The following MACF1 variants were observed in gnomAD, a reference collection of about 807,000 sequenced individuals.
The protein encoded by MACF1 is microtubule-actin cross-linking factor 1.
MACF1 carries 193 observed loss-of-function variants against 854.8 expected under a neutral mutation model. That is an observed-to-expected ratio of 0.23 (90% CI 0.20 to 0.25). The LOEUF is 0.25. Ranked by LOEUF, MACF1 falls within the 10% of genes least tolerant of loss-of-function variation. The probability of loss-of-function intolerance (pLI) is 1.00; values close to 1 mark genes in which losing one functional copy is unlikely to be tolerated. For missense variants in MACF1, 7,722 were observed against 8,929.1 expected, an observed-to-expected ratio of 0.86 and a Z score of 5.45; for synonymous variants, 3,185 against 3,226.7, an observed-to-expected ratio of 0.99 and a Z score of 0.44.
Position 39,322,939 on chromosome 1 carries a change from A to G in MACF1, c.4167A>G (p.Ala1389=). The change falls in exon 33 of 101, where the codon GCA becomes GCG. Residue 1389 remains alanine, a synonymous_variant. Transcript: ENST00000564288. The part of the protein sequence containing the change: ...EFMDLRTRYT[A]LVTLTTQHVK... ...TGGACTTAAGGACTCGCTACACGGC[A>G]TTGGTGACTTTAACAACTCAGCACG... 6.2e-7 allele frequency: 1 copy of G among 1,614,124 alleles called. No individual in the cohort carries two copies. Among genetic ancestry groups the G allele is most frequent in the Non-Finnish European group, 8.5e-7 (1 of 1,179,968 alleles).
rs990158851 is a variant in MACF1, at chr1:39,287,408, A to G, written c.1631A>G (p.Lys544Arg). Residue 544 changes from lysine (K) to arginine (R), a missense_variant, in exon 15 of 101, where the codon AAA becomes AGA. Around this residue, in one of 15 missense-constraint regions of MACF1, gnomAD observed 1,137 missense variants for 1,263.0 expected, o/e 0.90. Coordinates refer to ENST00000564288, the MANE Select transcript of MACF1 (RefSeq NM_001394062.1). ...TCTACTTTAACCACCACTCATCTGA[A>G]AGCAGAACCCTTAACCAAGGCAACC... ...PPSTLTTTHL[K>R]AEPLTKATHS... is the part of the protein sequence containing the mutation. 7 of 1,614,008 alleles carry G rather than the reference A, an allele frequency of 4.3e-6. No individual in the cohort carries two copies. The highest frequency in any genetic ancestry group is 1.7e-5 in the Admixed American group (1 of 60,004).
At chr1:39,101,750 G>A (rs1399522003) in intron 2 of MACF1, among the ~76,000 whole-genome samples, 2 of 149,860 alleles carry the variant, frequency 1.3e-5, no homozygotes, top group Non-Finnish European at 3.0e-5. Context: ...CGTGAACCCG[G>A]GAGGTGGAGG....
rs560034084 is a variant in MACF1 at position 39,314,497 on chromosome 1, C to T, written c.3271-1016C>T. On this transcript the variant is annotated intron_variant, in intron 26 of 100. Coordinates refer to ENST00000564288, the MANE Select transcript of MACF1 (RefSeq NM_001394062.1). ...TTACATATACACACATATACATGTA[C>T]GTAAGTTTACAGATATAGATCAATA... Among the ~76,000 whole-genome samples, 9 of 150,276 alleles carry T rather than the reference C, an allele frequency of 6.0e-5. No individual in the cohort carries two copies. In the East Asian group the frequency reaches 1.2e-3, roughly 20 times the overall value.
intron 16 of MACF1, among the ~76,000 whole-genome samples, chr1:39,292,367 T>A (rs953809527): frequency 7.2e-5 from 11 of 152,226 alleles, no homozygotes; most frequent in African/African-American, 2.2e-4. Flanking sequence ...TACTTCCCCA[T>A]CTGCCTGCAG....
intron 6 of MACF1, among the ~76,000 whole-genome samples, chr1:39,267,568 A>G (rs1184639909): frequency 6.6e-6 from 1 of 152,264 alleles, no homozygotes; most frequent in Non-Finnish European, 1.5e-5. Context: ...AATATAAAAT[A>G]ATAGTTTTGA....
At chr1:39,179,853 A>G (rs2148232098) in intron 2 of MACF1, among the ~76,000 whole-genome samples, 1 of 152,096 alleles carries the variant, frequency 6.6e-6, no homozygotes, top group African/African-American at 2.4e-5. Flanking sequence ...CGTCTCTACT[A>G]AAAATACAAA....
chr1:39,097,866 C>T (rs1016884462), intron 2 of MACF1, among the ~76,000 whole-genome samples: 4 of 152,198 alleles, frequency 2.6e-5, no homozygotes, highest in Non-Finnish European at 4.4e-5. Flanking sequence ...GGGCCTCTCC[C>T]GGCCTCAGTG....
chr1:39,140,327 T>G lies in MACF1; in HGVS notation c.220+55889T>G, dbSNP rs527586298. On this transcript the variant is annotated intron_variant, in intron 2 of 93. Coordinates refer to the MACF1 transcript ENST00000361689. ...AGTGCTATCTTACGATTCTTATCAC[T>G]TGCTACTATGGGTTAGAATTACTTG... Among the ~76,000 whole-genome samples, 27 of 152,328 alleles carry G rather than the reference T, an allele frequency of 1.8e-4. No homozygotes were observed. The East Asian group carries it at 4.6e-3, about 26-fold the overall frequency.
intron 23 of MACF1, among the ~76,000 whole-genome samples, chr1:39,306,050 C>G (rs1206757743): frequency 2.0e-5 from 3 of 152,104 alleles, no homozygotes; most frequent in African/African-American, 7.2e-5. Flanking sequence ...GCACTTAGAA[C>G]CATTCCTAGC....
At chr1:39,151,907 A>G (rs879662979) in intron 2 of MACF1, among the ~76,000 whole-genome samples, 1 of 152,150 alleles carries the variant, frequency 6.6e-6, no homozygotes, top group Non-Finnish European at 1.5e-5. Context: ...TAAGAAGGGT[A>G]TGTGTTCAGT....
intron 33 of MACF1, among the ~76,000 whole-genome samples, chr1:39,323,909 A>AT (rs1488788896): frequency 1.3e-5 from 2 of 152,154 alleles, no homozygotes; most frequent in Admixed American, 6.5e-5. Context: ...ATGTGAAGAG[A>AT]TTTTTTTAAA....
intron 58 of MACF1, chr1:39,412,916 T>C (rs955996999): frequency 6.2e-7 from 1 of 1,607,348 alleles, no homozygotes. Flanking sequence ...GAGGACATCC[T>C]AGTTGCTTCA....
intron 2 of MACF1, among the ~76,000 whole-genome samples, chr1:39,100,746 C>T (rs1042616404): frequency 6.7e-6 from 1 of 150,222 alleles, no homozygotes; most frequent in Non-Finnish European, 1.5e-5. Flanking sequence ...CCCAGCTACT[C>T]GAGAGGCTGA....
At position 39,310,918 on chromosome 1, in the gene MACF1, T is replaced by C; in HGVS notation, c.3188T>C (p.Val1063Ala). Residue 1063 changes from valine (V) to alanine (A), a missense_variant, in exon 26 of 101, where the codon GTC becomes GCC. Around this residue, in one of 15 missense-constraint regions of MACF1, gnomAD observed 1,137 missense variants for 1,263.0 expected, o/e 0.90. Transcript: ENST00000564288. ...LRLEEYEQRVVKRIQSLASSR... is the reference protein window; with the variant it reads ...LRLEEYEQRVAKRIQSLASSR... ...CTGGAGGAGTATGAACAGAGGGTGG[T>C]CAAACGAATTCAGTCTCTAGCCAGC... 1 of 1,614,140 alleles carries C rather than the reference T, an allele frequency of 6.2e-7. No homozygotes were observed. The highest frequency in any genetic ancestry group is 8.5e-7 in the Non-Finnish European group (1 of 1,180,006).
At chr1:39,408,224 A>G (rs1310121998) in intron 58 of MACF1, among the ~76,000 whole-genome samples, 1 of 152,114 alleles carries the variant, frequency 6.6e-6, no homozygotes, top group Admixed American at 6.5e-5. Flanking sequence ...CGTCATTGAT[A>G]CCACTCAGGT....
chr1:39,349,687 C>T (rs928762502), intron 42 of MACF1, 60 bp downstream of exon 42: 13 of 1,561,470 alleles, frequency 8.3e-6, no homozygotes, highest in Middle Eastern at 1.9e-4. Flanking sequence ...GGCTGGAGTA[C>T]AGTGGTGTTA....
chr1:39,125,272 C>G (rs565896889), intron 2 of MACF1, among the ~76,000 whole-genome samples: 1 of 152,138 alleles, frequency 6.6e-6, no homozygotes, highest in African/African-American at 2.4e-5. Context: ...CTTGTTCAAG[C>G]AGGTTGGTGT....
intron 2 of MACF1, among the ~76,000 whole-genome samples, chr1:39,163,273 T>G (rs1643839259): frequency 7.7e-6 from 1 of 129,816 alleles, no homozygotes; most frequent in South Asian, 2.5e-4. Flanking sequence ...ATCGCTTGAA[T>G]CCAAGAGGCG....
Position 39,105,663 on chromosome 1 carries a change from A to G in MACF1, c.220+21225A>G, listed in dbSNP as rs1283466399. The G allele has an allele frequency of 1.6e-6, 2 of 1,236,494 alleles. No homozygotes were observed. Among genetic ancestry groups the G allele is most frequent in the East Asian group, 8.4e-5 (1 of 11,848 alleles). The allele number at this position is 1,236,494 out of a possible 1,614,324, so 76.6% of individuals were successfully genotyped here. On this transcript the variant is annotated intron_variant, in intron 2 of 93. Coordinates refer to the MACF1 transcript ENST00000361689. This position sits in a 1 kb window ranked among gnomAD's most constrained non-coding sequence, Gnocchi z 5.9. Reference sequence around the variant, plus strand: ...GCCGGGTCAGCAGCCGGCCAACCGCAGCCAGGAGAAGGAGTTCGTGCAGGC... The same window carrying G: ...GCCGGGTCAGCAGCCGGCCAACCGCGGCCAGGAGAAGGAGTTCGTGCAGGC...
Sources: gnomAD v4.1 joint callset for allele counts (sites outside exome capture counted in the v4.1 genomes callset) on GRCh38, gnomAD v4.1.1 for gene constraint, gnomAD v4.1.1 regional missense constraint, Gnocchi (gnomAD v3.1) non-coding constraint, MANE v1.5 for transcripts, NCBI Gene and HGNC (gene_info 2026-07-23, HGNC 2026-07-21) for gene names.